Variants in USP8 observed in about 807,000 individuals in gnomAD.
The protein encoded by USP8 is ubiquitin specific peptidase 8.
USP8 carries 27 observed loss-of-function variants against 130.0 expected under a neutral mutation model. The observed-to-expected ratio is 0.21, with a 90% CI of 0.15 to 0.29. The LOEUF (loss-of-function observed/expected upper bound fraction) is 0.29, where lower values mean the gene tolerates loss of function less well. Ranked by LOEUF, USP8 falls within the 10% of genes least tolerant of loss-of-function variation. The pLI, the probability that USP8 is intolerant of heterozygous loss-of-function variation, is 1.00. For missense variants in USP8, 1,029 were observed against 1,312.2 expected, an observed-to-expected ratio of 0.78 and a Z score of 3.33; for synonymous variants, 392 against 444.1, an observed-to-expected ratio of 0.88 and a Z score of 1.48.
intron 3 of USP8, among the ~76,000 whole-genome samples, chr15:50,448,460 A>G (rs2050510300): frequency 6.6e-6 from 1 of 151,814 alleles, no homozygotes. Context: ...CAACAACTTC[A>G]TTGTACTTGT....
At chr15:50,447,329 T>C (rs1057212389) in intron 3 of USP8, among the ~76,000 whole-genome samples, 1 of 152,036 alleles carries the variant, frequency 6.6e-6, no homozygotes, top group African/African-American at 2.4e-5. Context: ...CAACCTCCAC[T>C]TCTTGGGTTC....
chr15:50,443,422 A>C (rs1200774726), intron 3 of USP8, among the ~76,000 whole-genome samples: 1 of 152,084 alleles, frequency 6.6e-6, no homozygotes, highest in Admixed American at 6.6e-5. Flanking sequence ...AATGGTGATA[A>C]ATCATTGCTG....
chr15:50,460,145 C>A (rs1242753831), intron 5 of USP8, among the ~76,000 whole-genome samples: 2 of 150,856 alleles, frequency 1.3e-5, no homozygotes, highest in East Asian at 3.9e-4. Context: ...TTACAGGCGC[C>A]CGCCACCACA....
At position 50,458,663 on chromosome 15, in the gene USP8, T is replaced by A. The variant is rs2050874792; in HGVS notation, c.336-337T>A. 2 of 200,042 alleles carry A rather than the reference T, an allele frequency of 1.0e-5. 1 individual carries two copies. Among genetic ancestry groups the A allele is most frequent in the East Asian group, 2.8e-4 (2 of 7,270 alleles). The allele number at this position is 200,042 out of a possible 1,614,324, so 12.4% of individuals were successfully genotyped here. ...ATCAACATAAGTGTGATATTTGGGCTGTTTCTTTTGCAGAAAAAATTAGGA... is the reference window on the plus strand; with the variant it reads ...ATCAACATAAGTGTGATATTTGGGCAGTTTCTTTTGCAGAAAAAATTAGGA... On this transcript the variant is annotated intron_variant, in intron 4 of 19. Transcript: ENST00000307179.
intron 1 of USP8, 25 bp downstream of exon 1, chr15:50,424,539 C>T (rs905111418): frequency 1.0e-5 from 4 of 398,518 alleles, no homozygotes; most frequent in Non-Finnish European, 1.3e-5. Context: ...TGGGCCCTAG[C>T]ACCTGTTCTC....
intron 1 of USP8, among the ~76,000 whole-genome samples, chr15:50,433,795 C>T (rs62016948): frequency 0.14 from 21,932 of 151,606 alleles, 2,026 homozygotes; most frequent in Middle Eastern, 0.28. Flanking sequence ...TTAGTAGAGA[C>T]GGGGTTTCAC....
intron 5 of USP8, among the ~76,000 whole-genome samples, chr15:50,460,857 CA>C (rs2050970202): frequency 6.6e-6 from 1 of 152,008 alleles, no homozygotes; most frequent in African/African-American, 2.4e-5. Context: ...TCATTCCTTT[CA>C]TTAAAAAGTC....
chr15:50,492,161 A>T (rs2052199794), intron 14 of USP8, among the ~76,000 whole-genome samples: 1 of 152,052 alleles, frequency 6.6e-6, no homozygotes, highest in Non-Finnish European at 1.5e-5. Flanking sequence ...GCCCAGCTGG[A>T]ACTGTATTTT....
intron 7 of USP8, among the ~76,000 whole-genome samples, chr15:50,466,351 C>T (rs772102164): frequency 6.6e-6 from 1 of 152,156 alleles, no homozygotes; most frequent in Non-Finnish European, 1.5e-5. Context: ...GTAATCCCAG[C>T]ACTTGGGGAA....
Position 50,497,374 on chromosome 15 carries a change from AG to A in USP8, c.3038+144del, listed in dbSNP as rs1313781323. Reference sequence around the variant, plus strand: ...GGTTACAGTAGATCTAGGGAAATAAAGCAGAAATGAGACTGTTAGTTCACCT... The same window carrying A: ...GGTTACAGTAGATCTAGGGAAATAAACAGAAATGAGACTGTTAGTTCACCT... On this transcript the variant is annotated intron_variant, in intron 18 of 19. Transcript: ENST00000307179. 5 of 992,434 alleles carry A rather than the reference AG, an allele frequency of 5.0e-6. No homozygotes were observed. The East Asian group carries it at 1.5e-4, about 30-fold the overall frequency. The allele number at this position is 992,434 out of a possible 1,614,324, so 61.5% of individuals were successfully genotyped here.
At chr15:50,434,480 G>A (rs568487194) in intron 1 of USP8, among the ~76,000 whole-genome samples, 1 of 152,078 alleles carries the variant, frequency 6.6e-6, no homozygotes, top group South Asian at 2.1e-4. Flanking sequence ...TAAGGCTGAA[G>A]TTCTTTATCT....
chr15:50,462,148 G>T, intron 5 of USP8, 132 bp from the exon 6 acceptor site: 3 of 645,228 alleles, frequency 4.6e-6, no homozygotes, highest in Non-Finnish European at 7.7e-6. Context: ...ATTCGTCTGC[G>T]TTTTTATAAA....
intron 10 of USP8, among the ~76,000 whole-genome samples, chr15:50,478,406 T>A (rs890420285): frequency 6.6e-6 from 1 of 152,212 alleles, no homozygotes; most frequent in Admixed American, 6.5e-5. Flanking sequence ...CATTCATTTT[T>A]AATTTTTTCC....
At chr15:50,470,021 C>T (rs2051325407) in intron 7 of USP8, among the ~76,000 whole-genome samples, 2 of 152,016 alleles carry the variant, frequency 1.3e-5, no homozygotes, top group Non-Finnish European at 2.9e-5. Flanking sequence ...TAATTAGAGA[C>T]AGGGTTTCGC....
intron 5 of USP8, among the ~76,000 whole-genome samples, chr15:50,460,342 T>C (rs571395772): frequency 1.4e-5 from 2 of 142,756 alleles, no homozygotes; most frequent in South Asian, 4.7e-4. Context: ...AGTTTTACTC[T>C]GTCGCTCAGG....
intron 3 of USP8, among the ~76,000 whole-genome samples, chr15:50,442,860 C>T (rs1227668104): frequency 3.3e-5 from 5 of 152,158 alleles, no homozygotes; most frequent in Non-Finnish European, 7.4e-5. Flanking sequence ...TAGAAACAAT[C>T]TTATTACCTG....
At chr15:50,447,616 A>G (rs1029602653) in intron 3 of USP8, among the ~76,000 whole-genome samples, 17 of 147,908 alleles carry the variant, frequency 1.1e-4, no homozygotes, top group Non-Finnish European at 2.5e-4. Context: ...GGGGTAGAGT[A>G]CAATGGCGTG....
At chr15:50,497,398 C>G in intron 18 of USP8, 167 bp downstream of exon 18, 7 of 725,098 alleles carry the variant, frequency 9.7e-6, no homozygotes, top group Non-Finnish European at 1.4e-5. Context: ...TGTTAGTTCA[C>G]CTCAGTGTTT....
intron 3 of USP8, among the ~76,000 whole-genome samples, chr15:50,447,250 T>G (rs919832294): frequency 1.8e-4 from 27 of 152,238 alleles, no homozygotes; most frequent in Non-Finnish European, 4.4e-5. Flanking sequence ...TAGTTTTTGT[T>G]GTTGTTTTCA....
Sources: gnomAD v4.1 joint callset for allele counts (sites outside exome capture counted in the v4.1 genomes callset) on GRCh38, gnomAD v4.1.1 for gene constraint, MANE v1.5 for transcripts, NCBI Gene and HGNC (gene_info 2026-07-23, HGNC 2026-07-21) for gene names.